The following ERAP1 variants were observed in gnomAD, a reference collection of about 807,000 sequenced individuals.
The protein encoded by ERAP1 is adipocyte-derived leucine aminopeptidase.
A neutral mutation model predicts 103.7 loss-of-function variants in ERAP1; 86 were observed. That is an observed-to-expected ratio of 0.83 (90% CI 0.70 to 0.99). The LOEUF (loss-of-function observed/expected upper bound fraction) is 0.99, where lower values mean the gene tolerates loss of function less well. Ranked by LOEUF, ERAP1 falls within the 50% of genes least tolerant of loss-of-function variation. The pLI, the probability that ERAP1 is intolerant of heterozygous loss-of-function variation, is 0.00. For missense variants in ERAP1, 1,009 were observed against 1,128.4 expected, an observed-to-expected ratio of 0.89 and a Z score of 1.52; for synonymous variants, 398 against 402.4, an observed-to-expected ratio of 0.99 and a Z score of 0.13.
At chr5:96,884,667 C>G in the ERAP1 span, among the ~76,000 whole-genome samples, 39 of 152,206 alleles carry the variant, frequency 2.6e-4, no homozygotes, top group East Asian at 6.8e-3. Context: ...AAGCAATTCT[C>G]CTCCCTCAGC....
At chr5:96,763,963 C>CAA (rs35420188) in intron 19 of ERAP1, among the ~76,000 whole-genome samples, 80 of 146,052 alleles carry the variant, frequency 5.5e-4, no homozygotes, top group African/African-American at 6.5e-4. Context: ...CTTTTTACCT[C>CAA]AAAAAAAAAA....
chr5:96,908,355 C>G, the ERAP1 span, among the ~76,000 whole-genome samples: 2 of 152,268 alleles, frequency 1.3e-5, no homozygotes, highest in East Asian at 3.9e-4. Flanking sequence ...AATAATAAAC[C>G]TGTTATTTAT....
chr5:96,801,063 T>G, intron 2 of ERAP1, 63 bp from the exon 3 acceptor site: 7 of 1,575,886 alleles, frequency 4.4e-6, no homozygotes, highest in Non-Finnish European at 6.1e-6. Flanking sequence ...AAAACAGGTG[T>G]TTGCTTTTTA....
chr5:96,911,864 C>G, the ERAP1 span, among the ~76,000 whole-genome samples: 1 of 32,508 alleles, frequency 3.1e-5, no homozygotes. Context: ...AAGACCCTGT[C>G]TCAAAAAAAA....
the ERAP1 span, among the ~76,000 whole-genome samples, chr5:96,923,596 A>G: frequency 6.6e-6 from 1 of 151,460 alleles, no homozygotes; most frequent in East Asian, 2.0e-4. Context: ...TGGGAGGCTG[A>G]GGCAGGAGAC....
the ERAP1 span, among the ~76,000 whole-genome samples, chr5:96,874,575 C>T: frequency 6.6e-6 from 1 of 152,254 alleles, no homozygotes; most frequent in Non-Finnish European, 1.5e-5. Flanking sequence ...AGCCATCCCC[C>T]TTCCTGTGGT....
chr5:96,787,561 C>T (rs246454), intron 11 of ERAP1, among the ~76,000 whole-genome samples: 1 of 151,822 alleles, frequency 6.6e-6, no homozygotes, highest in East Asian at 1.9e-4. Context: ...CCACTGTGAC[C>T]GGCCATAAAT....
the ERAP1 span, among the ~76,000 whole-genome samples, chr5:96,842,185 T>G: frequency 6.6e-6 from 1 of 152,214 alleles, no homozygotes; most frequent in Non-Finnish European, 1.5e-5. Context: ...TATCTACTCA[T>G]TGGTTGATGG....
At chr5:96,874,071 C>T in the ERAP1 span, among the ~76,000 whole-genome samples, 4,551 of 132,570 alleles carry the variant, frequency 0.034, 100 homozygotes, top group Middle Eastern at 0.12. Context: ...CTTCCCAAAG[C>T]TTATCCCAAA....
the ERAP1 span, chr5:96,896,847 G>T: frequency 1.1e-5 from 12 of 1,100,404 alleles, no homozygotes; most frequent in African/African-American, 2.8e-4. Flanking sequence ...GATGACTTGT[G>T]GAGCAGTCTG....
chr5:96,764,653 C>T (rs924758136), intron 19 of ERAP1, among the ~76,000 whole-genome samples: 2 of 152,172 alleles, frequency 1.3e-5, no homozygotes, highest in African/African-American at 4.8e-5. Context: ...AGCTCCATGG[C>T]TTCCCACAAA....
chr5:96,792,819 A>G (rs918274563), intron 7 of ERAP1, among the ~76,000 whole-genome samples: 3 of 152,236 alleles, frequency 2.0e-5, no homozygotes, highest in African/African-American at 7.2e-5. Context: ...GAAAATAGGA[A>G]TAAATATTTA....
chr5:96,804,291 G>T (rs571817946), intron 1 of ERAP1: 4 of 345,546 alleles, frequency 1.2e-5, no homozygotes, highest in Non-Finnish European at 2.2e-5. Context: ...TCACTACACG[G>T]GTCACAGAGT....
the ERAP1 span, among the ~76,000 whole-genome samples, chr5:96,850,235 A>T: frequency 2.0e-5 from 3 of 152,220 alleles, no homozygotes; most frequent in Non-Finnish European, 4.4e-5. Context: ...AAAGCAAAAT[A>T]GGCAAGCGGG....
chr5:96,899,660 T>G, the ERAP1 span, among the ~76,000 whole-genome samples: 1 of 152,226 alleles, frequency 6.6e-6, no homozygotes, highest in African/African-American at 2.4e-5. Context: ...ATAGCCACTG[T>G]AGGAATACCT....
chr5:96,801,437 G>A (rs10074694), intron 2 of ERAP1, among the ~76,000 whole-genome samples: 24,406 of 149,318 alleles, frequency 0.16, 2,234 homozygotes, highest in Non-Finnish European at 0.22. Flanking sequence ...CAGCCTGGGC[G>A]ACAGAACCAG....
chr5:96,933,558 A>G, the ERAP1 span, among the ~76,000 whole-genome samples: 1 of 152,272 alleles, frequency 6.6e-6, no homozygotes, highest in African/African-American at 2.4e-5. Context: ...TATATTCGCT[A>G]GTGCATTTTT....
At chr5:96,856,934 C>T in the ERAP1 span, among the ~76,000 whole-genome samples, 5 of 152,324 alleles carry the variant, frequency 3.3e-5, no homozygotes, top group Middle Eastern at 3.4e-3. Context: ...TTCTCCAGAT[C>T]CCTGGTGCCT....
the ERAP1 span, among the ~76,000 whole-genome samples, chr5:96,843,900 G>C: frequency 6.6e-6 from 1 of 152,128 alleles, no homozygotes; most frequent in African/African-American, 2.4e-5. Flanking sequence ...CAAAATCTTT[G>C]AATCTACCTA....
Sources: allele counts gnomAD v4.1 joint callset (sites outside exome capture counted in the v4.1 genomes callset), GRCh38; gene constraint gnomAD v4.1.1; transcripts MANE v1.5; gene names NCBI Gene and HGNC (gene_info 2026-07-23, HGNC 2026-07-21).